GOLPH3: variants seen among roughly 807,000 people sequenced by gnomAD.
GOLPH3 encodes the protein coat protein GPP34.
A neutral mutation model predicts 28.5 loss-of-function variants in GOLPH3; 14 were observed. The observed-to-expected ratio is 0.49, with a 90% CI of 0.32 to 0.77. The LOEUF is 0.77. Among genes scored for constraint, GOLPH3 ranks in the 30% least tolerant of loss-of-function variants. The pLI is 0.03. For missense variants in GOLPH3, 350 were observed against 393.7 expected (o/e 0.89, Z 0.94); for synonymous variants, 158 against 159.2 (o/e 0.99, Z 0.06).
At position 32,126,315 on chromosome 5, in the gene GOLPH3, G is replaced by A. The variant is rs144842040; in HGVS notation, c.794C>T (p.Thr265Ile). The A allele has an allele frequency of 7.2e-5, 116 of 1,614,002 alleles. No homozygotes were observed. Among genetic ancestry groups the A allele is most frequent in the Non-Finnish European group, 9.1e-5 (107 of 1,180,030 alleles). ...PLLDEQYDLA[T>I]KRVRQLLDLD... Reference sequence around the variant, plus strand: ...GTCGAGAAGCTGCCGCACTCTCTTGGTAGCCAAATCATACTGCTCGTCCAG... The same window carrying A: ...GTCGAGAAGCTGCCGCACTCTCTTGATAGCCAAATCATACTGCTCGTCCAG... Residue 265 changes from threonine to isoleucine, a missense_variant, in exon 4 of 4, where the codon ACC (threonine) becomes ATC (isoleucine). Coordinates refer to ENST00000265070, the MANE Select transcript of GOLPH3 (RefSeq NM_022130.4).
At chr5:32,166,518 T>C (rs1360164060) in intron 1 of GOLPH3, among the ~76,000 whole-genome samples, 1 of 152,124 alleles carries the variant, frequency 6.6e-6, no homozygotes, top group Non-Finnish European at 1.5e-5. Context: ...GGACACTTAC[T>C]AAAAAGCAGC....
At position 32,158,023 on chromosome 5, in the gene GOLPH3, TACACAC is replaced by T. The variant is rs368465798; in HGVS notation, c.226-14149_226-14144del. 7.6e-3 allele frequency among the ~76,000 whole-genome samples: 203 copies of T among 26,748 alleles called. 9 individuals are homozygous for T. Among genetic ancestry groups the T allele is most frequent in the African/African-American group, 0.019 (142 of 7,362 alleles). 17.5% of individuals were successfully genotyped at this position (26,748 alleles called of 152,430 possible). A position where few individuals can be genotyped will look rare whatever the true frequency, so the allele number is the denominator to read the frequency against. ...TAAATAAATAAATAAATAAATAAAA[TACACAC>T]ACACACACACACACACACACACACA... is the stretch of plus-strand genomic sequence containing the variant. On this transcript the variant is annotated intron_variant, in intron 1 of 3. Transcript: ENST00000265070.
intron 2 of GOLPH3, among the ~76,000 whole-genome samples, chr5:32,137,467 T>G (rs1745962047): frequency 6.6e-6 from 1 of 151,890 alleles, no homozygotes; most frequent in Admixed American, 6.6e-5. Context: ...GAGACCAGCC[T>G]GGCCAACATG....
chr5:32,143,786 G>A lies in GOLPH3; in HGVS notation c.320C>T (p.Ala107Val). The change falls in exon 2 of 4, where the codon GCT becomes GTT. Residue 107 changes from alanine (A) to valine (V), a missense_variant. Physicochemically the swap from Ala to Val is moderately conservative, Grantham distance 64. Transcript: ENST00000265070. ...LALRGRLQLE[A>V]CGMRRKSLLT... ...TAGACTTTTACGTCTCATTCCACAA[G>A]CCTCTAGTTGTAACCTTCCTCTCAA... The A allele has an allele frequency of 1.2e-6, 2 of 1,606,486 alleles. No individual in the cohort carries two copies. The highest frequency in any genetic ancestry group is 1.7e-4 in the Middle Eastern group (1 of 6,048).
chr5:32,149,986 GAAA>G (rs752842342), intron 1 of GOLPH3, among the ~76,000 whole-genome samples: 1 of 130,800 alleles, frequency 7.6e-6, no homozygotes, highest in African/African-American at 2.8e-5. Context: ...ACTGTCTCAA[GAAA>G]AAAAAAAAAA....
intron 1 of GOLPH3, among the ~76,000 whole-genome samples, chr5:32,157,737 G>A (rs1293872094): frequency 6.6e-6 from 1 of 152,166 alleles, no homozygotes; most frequent in African/African-American, 2.4e-5. Flanking sequence ...AGCACTTTGG[G>A]AGGCTAAGGC....
chr5:32,131,849 A>G (rs1745831375), intron 3 of GOLPH3, among the ~76,000 whole-genome samples: 1 of 152,238 alleles, frequency 6.6e-6, no homozygotes, highest in South Asian at 2.1e-4. Context: ...TTACAAAACT[A>G]AAAGCAGCTT....
intron 1 of GOLPH3, among the ~76,000 whole-genome samples, chr5:32,149,364 A>T (rs1208063399): frequency 1.3e-5 from 2 of 152,232 alleles, no homozygotes; most frequent in Non-Finnish European, 2.9e-5. Flanking sequence ...CAAAATGGGA[A>T]AAGGGAGAGG....
chr5:32,154,146 G>A (rs569171550), intron 1 of GOLPH3, among the ~76,000 whole-genome samples: 17 of 151,954 alleles, frequency 1.1e-4, no homozygotes, highest in Non-Finnish European at 2.2e-4. Context: ...ATATAAAACC[G>A]CAAGTCATAA....
At position 32,148,568 on chromosome 5, in the gene GOLPH3, T is replaced by C. The variant is rs945659038; in HGVS notation, c.226-4688A>G. 3.9e-5 allele frequency among the ~76,000 whole-genome samples: 6 copies of C among 152,186 alleles called. No homozygotes were observed. In the East Asian group the frequency reaches 5.8e-4, roughly 15 times the overall value. ...ATCCCAGCACTTTGGGAGGCCAAGG[T>C]GGGCAGATCACGATGTCAGGAGATC... On this transcript the variant is annotated intron_variant, in intron 1 of 3. Coordinates refer to ENST00000265070, the MANE Select transcript of GOLPH3 (RefSeq NM_022130.4).
chr5:32,171,280 T>A (rs1746830465), intron 1 of GOLPH3, among the ~76,000 whole-genome samples: 1 of 146,884 alleles, frequency 6.8e-6, no homozygotes. Context: ...TGATGAGCTT[T>A]AAAAAAAAAA....
intron 2 of GOLPH3, among the ~76,000 whole-genome samples, chr5:32,142,837 G>GC (rs561439138): frequency 0.024 from 3,399 of 144,606 alleles, 114 homozygotes; most frequent in East Asian, 0.13. Flanking sequence ...GGGGGGGTCA[G>GC]CCCCCCGCCC....
Position 32,135,484 on chromosome 5 carries a change from C to G in GOLPH3, c.472+88G>C, listed in dbSNP as rs1745912761. 3 of 769,868 alleles carry G rather than the reference C, an allele frequency of 3.9e-6. No homozygotes were observed. In the East Asian group the frequency reaches 7.7e-5, roughly 20 times the overall value. The allele number at this position is 769,868 out of a possible 1,614,324, so 47.7% of individuals were successfully genotyped here. A position where few individuals can be genotyped will look rare whatever the true frequency, so the allele number is the denominator to read the frequency against. Reference sequence around the variant, plus strand: ...CCTAAATAACTAAACAAGCTTCTGGCTATTTTGTGTAGGTTCCTTTCAAAA... The same window carrying G: ...CCTAAATAACTAAACAAGCTTCTGGGTATTTTGTGTAGGTTCCTTTCAAAA... On this transcript the variant is annotated intron_variant, in intron 3 of 3. Coordinates refer to ENST00000265070, the MANE Select transcript of GOLPH3 (RefSeq NM_022130.4).
intron 1 of GOLPH3, among the ~76,000 whole-genome samples, chr5:32,156,559 C>T (rs1278703788): frequency 2.6e-5 from 4 of 152,074 alleles, no homozygotes; most frequent in East Asian, 3.8e-4. Context: ...GTAGTCCCAA[C>T]CTTTTTGGTG....
chr5:32,148,620 A>AC (rs769993080), intron 1 of GOLPH3, among the ~76,000 whole-genome samples: 11 of 152,168 alleles, frequency 7.2e-5, no homozygotes, highest in Non-Finnish European at 1.6e-4. Context: ...ACACGGTGAA[A>AC]CCCCATCTCT....
At chr5:32,132,874 G>A (rs1209738135) in intron 3 of GOLPH3, among the ~76,000 whole-genome samples, 1 of 152,080 alleles carries the variant, frequency 6.6e-6, no homozygotes. Flanking sequence ...TTATTTGCCA[G>A]GAGATTTTTT....
intron 3 of GOLPH3, among the ~76,000 whole-genome samples, chr5:32,132,010 G>A (rs1431268503): frequency 6.6e-6 from 1 of 152,114 alleles, no homozygotes; most frequent in Non-Finnish European, 1.5e-5. Flanking sequence ...ACAAAAATTA[G>A]CTGGGCGTGG....
chr5:32,163,020 G>C (rs1387635664), intron 1 of GOLPH3, among the ~76,000 whole-genome samples: 1 of 152,230 alleles, frequency 6.6e-6, no homozygotes, highest in Non-Finnish European at 1.5e-5. Flanking sequence ...AGAGCTTGCA[G>C]TGAGCCAAGA....
intron 1 of GOLPH3, among the ~76,000 whole-genome samples, chr5:32,170,258 A>G (rs535044129): frequency 3.0e-4 from 46 of 152,340 alleles, no homozygotes; most frequent in African/African-American, 1.1e-3. Context: ...CTGAATTCTA[A>G]TATTAAGCCA....
Sources: allele counts gnomAD v4.1 joint callset (sites outside exome capture counted in the v4.1 genomes callset), GRCh38; gene constraint gnomAD v4.1.1; transcripts MANE v1.5; gene names NCBI Gene and HGNC (gene_info 2026-07-23, HGNC 2026-07-21).